Variants in ACSF3 observed in about 807,000 individuals in gnomAD.
ACSF3 encodes acyl-CoA synthetase family member 3.
ACSF3 carries 78 observed loss-of-function variants against 53.2 expected under a neutral mutation model. The ratio of observed to expected loss-of-function variants is 1.47; its 90% CI spans 1.22 to 1.77. The LOEUF is 1.77. Ranked by LOEUF, ACSF3 falls within the 40% of genes most tolerant of loss-of-function variation. The pLI, the probability that ACSF3 is intolerant of heterozygous loss-of-function variation, is 0.00. For missense variants in ACSF3, 937 were observed against 771.1 expected (o/e 1.22, Z -2.55); for synonymous variants, 414 against 333.1 (o/e 1.24, Z -2.65).
At chr16:89,107,765 T>C (rs182228031) in intron 4 of ACSF3, among the ~76,000 whole-genome samples, 2 of 152,334 alleles carry the variant, frequency 1.3e-5, no homozygotes, top group Admixed American at 1.3e-4. Flanking sequence ...ATGTTTCATT[T>C]CAGTGGAAAC....
chr16:89,114,809 G>T (rs533115046), intron 6 of ACSF3: 4 of 412,994 alleles, frequency 9.7e-6, no homozygotes, highest in African/African-American at 8.2e-5. Flanking sequence ...AAGGCGGGGG[G>T]CCATGCTGTT....
At chr16:89,135,767 T>TTTTA (rs2151529826) in intron 8 of ACSF3, among the ~76,000 whole-genome samples, 1 of 152,284 alleles carries the variant, frequency 6.6e-6, no homozygotes, top group East Asian at 1.9e-4. Flanking sequence ...GCTGCAGTTG[T>TTTTA]TTTATTTATT....
At chr16:89,119,285 G>A (rs946342824) in intron 6 of ACSF3, among the ~76,000 whole-genome samples, 1 of 152,156 alleles carries the variant, frequency 6.6e-6, no homozygotes, top group South Asian at 2.1e-4. Flanking sequence ...GTGTCCTTGC[G>A]CTGCGTCCCC....
intron 1 of ACSF3, among the ~76,000 whole-genome samples, chr16:89,097,167 T>C (rs1017872550): frequency 2.6e-5 from 4 of 152,214 alleles, no homozygotes; most frequent in Non-Finnish European, 5.9e-5. Context: ...AGCGTGTGGT[T>C]AGCGTGTGCT....
rs565892745 is a variant in ACSF3, at chr16:89,145,797, G to A, written c.1502-141G>A. 104 of 805,294 alleles carry A rather than the reference G, an allele frequency of 1.3e-4. No homozygotes were observed. In the East Asian group the frequency reaches 2.1e-3, roughly 16 times the overall value. The allele number at this position is 805,294 out of a possible 1,614,324, so 49.9% of individuals were successfully genotyped here. On this transcript the variant is annotated intron_variant, in intron 9 of 10. Transcript: ENST00000614302. ...CCACAGGCCCAGCCAGCACCAGGACGAGTGATTGGAGTGGGGCCTGTCCAA... is the reference window on the plus strand; with the variant it reads ...CCACAGGCCCAGCCAGCACCAGGACAAGTGATTGGAGTGGGGCCTGTCCAA...
chr16:89,129,648 T>C (rs917577465), intron 7 of ACSF3, among the ~76,000 whole-genome samples: 6 of 152,232 alleles, frequency 3.9e-5, no homozygotes, highest in Non-Finnish European at 8.8e-5. Flanking sequence ...AAGCCTACCA[T>C]TTTACTATGT....
chr16:89,123,684 G>A (rs1028055729), intron 7 of ACSF3, among the ~76,000 whole-genome samples: 1 of 152,194 alleles, frequency 6.6e-6, no homozygotes, highest in Non-Finnish European at 1.5e-5. Flanking sequence ...GAATTAAGAG[G>A]CTTGGTGTCA....
At chr16:89,098,498 A>G (rs1974885241) in intron 1 of ACSF3, 93 bp from the exon 2 acceptor site, 4 of 366,206 alleles carry the variant, frequency 1.1e-5, no homozygotes, top group South Asian at 2.0e-5. Flanking sequence ...GTAAATGAAC[A>G]TGCTTCCCTT....
In ACSF3 at chr16:89,100,955, G is replaced by T; in HGVS notation, c.274G>T (p.Asp92Tyr). ...CAGGCTCTGCGGGTGTGTCGGCGGG[G>T]ACCTCCGGGAGGAGAGGGTCTCCTT... ...ICRLCGCVGGDLREERVSFLC... is the reference protein window; with the variant it reads ...ICRLCGCVGGYLREERVSFLC... Residue 92 changes from aspartate to tyrosine, a missense_variant, in exon 3 of 11, where the codon GAC becomes TAC. Asp to Tyr is a radical substitution (Grantham distance 160, BLOSUM62 -3). Coordinates refer to ENST00000614302, the MANE Select transcript of ACSF3 (RefSeq NM_001243279.3). 2 of 1,613,664 alleles carry T rather than the reference G, an allele frequency of 1.2e-6. No individual in the cohort carries two copies. Among genetic ancestry groups the T allele is most frequent in the Non-Finnish European group, 1.7e-6 (2 of 1,179,994 alleles).
intron 6 of ACSF3, among the ~76,000 whole-genome samples, chr16:89,117,656 G>A (rs1905400119): frequency 6.6e-6 from 1 of 152,108 alleles, no homozygotes; most frequent in Non-Finnish European, 1.5e-5. Flanking sequence ...CCAAGGAGCA[G>A]CCCAGGGACC....
chr16:89,150,843 A>G lies in ACSF3; in HGVS notation c.1614-3247A>G, dbSNP rs1319439262. Reference sequence around the variant, plus strand: ...GAGTCCTGCTTGCTGTGCCCGGCTCAGGCTGAGACTGCAGTGCTTGTCCAT... The same window carrying G: ...GAGTCCTGCTTGCTGTGCCCGGCTCGGGCTGAGACTGCAGTGCTTGTCCAT... On this transcript the variant is annotated intron_variant, in intron 10 of 10. Transcript: ENST00000614302. 1.7e-5 allele frequency: 9 copies of G among 527,186 alleles called. No individual in the cohort carries two copies. In the Admixed American group the frequency reaches 2.4e-4, roughly 14 times the overall value. The allele number at this position is 527,186 out of a possible 1,614,324, so 32.7% of individuals were successfully genotyped here.
At chr16:89,137,184 C>T (rs896489525) in intron 8 of ACSF3, among the ~76,000 whole-genome samples, 14 of 152,278 alleles carry the variant, frequency 9.2e-5, no homozygotes, top group Admixed American at 2.0e-4. Context: ...AGGCTCCAGC[C>T]GGGTGAGGAA....
intron 8 of ACSF3, among the ~76,000 whole-genome samples, chr16:89,139,740 G>A (rs537652092): frequency 1.7e-4 from 26 of 151,584 alleles, no homozygotes; most frequent in South Asian, 2.1e-4. Context: ...GATTACAGGC[G>A]CCCACCACCA....
At chr16:89,131,963 G>T (rs1909415007) in intron 7 of ACSF3, among the ~76,000 whole-genome samples, 1 of 151,266 alleles carries the variant, frequency 6.6e-6, no homozygotes, top group Admixed American at 6.6e-5. Context: ...AGCCCAGGCT[G>T]GCGGGTTGGC....
At chr16:89,132,026 C>G (rs144020828) in intron 7 of ACSF3, among the ~76,000 whole-genome samples, 2,237 of 152,254 alleles carry the variant, frequency 0.015, 30 homozygotes, top group Middle Eastern at 0.031. Context: ...GGCGTCAGCC[C>G]CTCCTGGAGG....
intron 6 of ACSF3, among the ~76,000 whole-genome samples, chr16:89,115,885 G>A (rs932846763): frequency 5.3e-5 from 8 of 152,240 alleles, no homozygotes; most frequent in East Asian, 1.9e-4. Context: ...TTTAAAATTC[G>A]GGACCCAAGT....
intron 7 of ACSF3, among the ~76,000 whole-genome samples, chr16:89,125,197 G>T (rs1236082473): frequency 5.9e-5 from 9 of 152,072 alleles, no homozygotes; most frequent in Admixed American, 3.9e-4. Flanking sequence ...ACAAAAATTA[G>T]CCAGGCATGG....
chr16:89,108,624 C>T (rs929756646), intron 4 of ACSF3, among the ~76,000 whole-genome samples: 3 of 152,188 alleles, frequency 2.0e-5, no homozygotes, highest in Non-Finnish European at 4.4e-5. Context: ...GCAGCGTGTG[C>T]AAATGGGGCG....
At chr16:89,125,029 G>A (rs1322340880) in intron 7 of ACSF3, among the ~76,000 whole-genome samples, 2 of 152,074 alleles carry the variant, frequency 1.3e-5, no homozygotes, top group African/African-American at 4.8e-5. Flanking sequence ...GAGTTGTTTT[G>A]GTGCACATAT....
Sources: gnomAD v4.1 joint callset for allele counts (sites outside exome capture counted in the v4.1 genomes callset) on GRCh38, gnomAD v4.1.1 for gene constraint, MANE v1.5 for transcripts, NCBI Gene and HGNC (gene_info 2026-07-23, HGNC 2026-07-21) for gene names.